NAALADL2: variants seen among roughly 807,000 people sequenced by gnomAD.
The protein encoded by NAALADL2 is inactive N-acetylated-alpha-linked acidic dipeptidase-like protein 2.
A neutral mutation model predicts 87.2 loss-of-function variants in NAALADL2; 76 were observed. The ratio of observed to expected loss-of-function variants is 0.87; its 90% CI spans 0.72 to 1.05. The LOEUF (loss-of-function observed/expected upper bound fraction) is 1.05. Ranked by LOEUF, NAALADL2 falls within the 50% of genes least tolerant of loss-of-function variation. The pLI is 0.00. For missense variants in NAALADL2, 1,089 were observed against 945.8 expected (o/e 1.15, Z -1.99); for synonymous variants, 354 against 331.0 (o/e 1.07, Z -0.75).
chr3:175,072,562 G>A (rs757559250), intron 1 of NAALADL2, among the ~76,000 whole-genome samples: 1 of 151,002 alleles, frequency 6.6e-6, no homozygotes, highest in African/African-American at 2.4e-5. Context: ...TAAAATGGAG[G>A]GTGGCTTATC....
chr3:175,498,088 A>G (rs1729058609), intron 9 of NAALADL2, among the ~76,000 whole-genome samples: 1 of 152,124 alleles, frequency 6.6e-6, no homozygotes, highest in Non-Finnish European at 1.5e-5. Context: ...AGCTGAATTG[A>G]TCAAACAGAA....
At chr3:175,681,822 G>A (rs891366596) in intron 11 of NAALADL2, among the ~76,000 whole-genome samples, 2 of 152,096 alleles carry the variant, frequency 1.3e-5, no homozygotes, top group Non-Finnish European at 2.9e-5. Flanking sequence ...CTTGAAGACA[G>A]GGGCTGATGT....
intron 9 of NAALADL2, among the ~76,000 whole-genome samples, chr3:175,556,851 T>A (rs1169005697): frequency 6.6e-6 from 1 of 152,184 alleles, no homozygotes; most frequent in Non-Finnish European, 1.5e-5. Flanking sequence ...TTTCAGATGG[T>A]TTTAACAGTC....
At chr3:175,400,726 C>T (rs1197725888) in intron 5 of NAALADL2, among the ~76,000 whole-genome samples, 1 of 152,042 alleles carries the variant, frequency 6.6e-6, no homozygotes, top group African/African-American at 2.4e-5. Context: ...GTACAATCAA[C>T]CTTATGGTCT....
chr3:175,807,050 G>A lies in NAALADL2; in HGVS notation c.*3847G>A, dbSNP rs12152508. Reference sequence around the variant, plus strand: ...GCGTATATATGTAGGCAAGTTTGAAGATATCTATAAGAGCATTAAAAGGCA... The same window carrying A: ...GCGTATATATGTAGGCAAGTTTGAAAATATCTATAAGAGCATTAAAAGGCA... On this transcript the variant is annotated 3_prime_UTR_variant, in exon 14 of 14. Coordinates refer to ENST00000454872, the MANE Select transcript of NAALADL2 (RefSeq NM_207015.3). 6.6e-6 allele frequency: 1 copy of A among 151,868 alleles called. No individual in the cohort carries two copies. Among genetic ancestry groups the A allele is most frequent in the South Asian group, 2.1e-4 (1 of 4,824 alleles). The allele number at this position is 151,868 out of a possible 1,614,324, so 9.4% of individuals were successfully genotyped here.
chr3:174,773,129 G>T (rs1211555493), intron 3 of NAALADL2, among the ~76,000 whole-genome samples: 1 of 152,122 alleles, frequency 6.6e-6, no homozygotes, highest in African/African-American at 2.4e-5. Context: ...AAGGACAGGT[G>T]ACAGAGAGTG....
chr3:175,569,599 A>G (rs1717717711), intron 9 of NAALADL2, among the ~76,000 whole-genome samples: 1 of 152,100 alleles, frequency 6.6e-6, no homozygotes, highest in Non-Finnish European at 1.5e-5. Context: ...TGCCCTTATA[A>G]AAAGAGAGGT....
At chr3:174,846,476 T>G (rs1263838824) in intron 3 of NAALADL2, among the ~76,000 whole-genome samples, 1 of 152,218 alleles carries the variant, frequency 6.6e-6, no homozygotes, top group Admixed American at 6.5e-5. Context: ...AATGTCAATT[T>G]TCTTAAAATT....
chr3:175,025,243 A>G (rs1752071750), intron 1 of NAALADL2, among the ~76,000 whole-genome samples: 1 of 149,556 alleles, frequency 6.7e-6, no homozygotes, highest in Admixed American at 6.7e-5. Flanking sequence ...CAGGCATATG[A>G]AAAAAAAAAG....
intron 9 of NAALADL2, among the ~76,000 whole-genome samples, chr3:175,549,348 A>G (rs73884443): frequency 0.015 from 2,354 of 152,112 alleles, 75 homozygotes; most frequent in African/African-American, 0.054. Context: ...CAATTTATTC[A>G]TATTTCAGTT....
In NAALADL2 at chr3:175,804,375, C is replaced by T. The variant is rs557968808; in HGVS notation, c.*1172C>T. ...ACTGTAAGAGAGTGTCTCGTCTACA[C>T]TTCAGTTCTTCTCTCATGTGGAAAA... On this transcript the variant is annotated 3_prime_UTR_variant, in exon 14 of 14. Coordinates refer to ENST00000454872, the MANE Select transcript of NAALADL2 (RefSeq NM_207015.3). The T allele has an allele frequency of 2.1e-4, 32 of 151,924 alleles. No homozygotes were observed. The highest frequency in any genetic ancestry group is 5.8e-4 in the African/African-American group (24 of 41,530). The allele number at this position is 151,924 out of a possible 1,614,324, so 9.4% of individuals were successfully genotyped here.
At chr3:174,755,796 A>G (rs1397031558) in intron 3 of NAALADL2, among the ~76,000 whole-genome samples, 2 of 152,234 alleles carry the variant, frequency 1.3e-5, no homozygotes, top group Non-Finnish European at 2.9e-5. Flanking sequence ...CATAATAGTT[A>G]GAACTTCTAT....
At chr3:175,035,061 A>T (rs2108934399) in intron 1 of NAALADL2, among the ~76,000 whole-genome samples, 1 of 152,278 alleles carries the variant, frequency 6.6e-6, no homozygotes, top group Non-Finnish European at 1.5e-5. Context: ...GGCCATAATA[A>T]ATGAATGAAG....
At chr3:174,891,973 C>T (rs1353285999) in intron 1 of NAALADL2, among the ~76,000 whole-genome samples, 1 of 152,116 alleles carries the variant, frequency 6.6e-6, no homozygotes, top group African/African-American at 2.4e-5. Flanking sequence ...TCAGCCACAA[C>T]AAGGTATCTC....
intron 2 of NAALADL2, among the ~76,000 whole-genome samples, chr3:174,667,813 G>A (rs372028549): frequency 1.3e-5 from 2 of 151,986 alleles, no homozygotes; most frequent in African/African-American, 4.8e-5. Context: ...GTGGAGAACA[G>A]GAGGAATTGG....
chr3:175,674,358 C>T (rs1242939091), intron 11 of NAALADL2, among the ~76,000 whole-genome samples: 3 of 151,424 alleles, frequency 2.0e-5, no homozygotes, highest in African/African-American at 4.9e-5. Flanking sequence ...CTCCCGGGTT[C>T]GCGCCATTCT....
intron 1 of NAALADL2, among the ~76,000 whole-genome samples, chr3:174,479,986 G>A (rs950969009): frequency 1.3e-5 from 2 of 152,036 alleles, no homozygotes; most frequent in African/African-American, 4.8e-5. Flanking sequence ...ATGGTAATAT[G>A]TGAGTTTTGA....
At chr3:174,889,943 G>T (rs1224406245) in intron 1 of NAALADL2, among the ~76,000 whole-genome samples, 1 of 152,166 alleles carries the variant, frequency 6.6e-6, no homozygotes, top group East Asian at 1.9e-4. Context: ...CAGCTCAGAT[G>T]TGAGTGTGTG....
intron 5 of NAALADL2, among the ~76,000 whole-genome samples, chr3:175,385,821 T>A (rs1219428753): frequency 1.3e-5 from 2 of 151,970 alleles, no homozygotes; most frequent in Admixed American, 6.6e-5. Flanking sequence ...AAAAGTTATA[T>A]AAAGTTATTA....
Sources: gnomAD v4.1 joint callset for allele counts (sites outside exome capture counted in the v4.1 genomes callset) on GRCh38, gnomAD v4.1.1 for gene constraint, MANE v1.5 for transcripts, NCBI Gene and HGNC (gene_info 2026-07-23, HGNC 2026-07-21) for gene names.